SORCS1: variants seen among roughly 807,000 people sequenced by gnomAD.
SORCS1 encodes VPS10 domain-containing receptor SorCS1.
In SORCS1, 60 loss-of-function variants were observed where a neutral mutation model predicts 146.1. The observed-to-expected ratio is 0.41, with a 90% confidence interval of 0.33 to 0.51. The LOEUF (loss-of-function observed/expected upper bound fraction) is 0.51. Among genes scored for constraint, SORCS1 ranks in the 20% least tolerant of loss-of-function variants. The pLI is 0.21. For missense variants in SORCS1, 1,352 were observed against 1,487.6 expected, an observed-to-expected ratio of 0.91 and a Z score of 1.50; for synonymous variants, 637 against 584.0, an observed-to-expected ratio of 1.09 and a Z score of -1.31.
intron 2 of SORCS1, among the ~76,000 whole-genome samples, chr10:106,935,424 C>T (rs1953661681): frequency 6.6e-6 from 1 of 152,110 alleles, no homozygotes; most frequent in South Asian, 2.1e-4. Context: ...ACCTGGCTTC[C>T]TACCTGCAAA....
chr10:106,985,970 C>T (rs1301048198), intron 1 of SORCS1, among the ~76,000 whole-genome samples: 1 of 151,968 alleles, frequency 6.6e-6, no homozygotes, highest in African/African-American at 2.4e-5. Context: ...TCTATCTCTT[C>T]ATAGATCTAG....
intron 16 of SORCS1, among the ~76,000 whole-genome samples, chr10:106,668,449 C>T (rs1486367364): frequency 6.6e-6 from 1 of 152,222 alleles, no homozygotes; most frequent in African/African-American, 2.4e-5. Flanking sequence ...CAAAGACTTC[C>T]CTCTCAGCCT....
At chr10:107,042,784 A>G (rs767949056) in intron 1 of SORCS1, among the ~76,000 whole-genome samples, 9 of 151,856 alleles carry the variant, frequency 5.9e-5, no homozygotes, top group Non-Finnish European at 1.2e-4. Flanking sequence ...TAATTTTTGT[A>G]TTTTTAGTAG....
At chr10:106,720,859 A>G (rs543104575) in intron 6 of SORCS1, among the ~76,000 whole-genome samples, 9 of 151,986 alleles carry the variant, frequency 5.9e-5, no homozygotes, top group African/African-American at 1.7e-4. Flanking sequence ...AAAGAACCCA[A>G]TTTGAAAGCT....
intron 1 of SORCS1, among the ~76,000 whole-genome samples, chr10:107,085,825 A>C (rs1260260619): frequency 6.6e-6 from 1 of 152,212 alleles, no homozygotes; most frequent in Non-Finnish European, 1.5e-5. Flanking sequence ...GACAATGAGC[A>C]TTTTGTATTA....
At chr10:106,805,766 A>T (rs978038330) in intron 3 of SORCS1, among the ~76,000 whole-genome samples, 13 of 151,720 alleles carry the variant, frequency 8.6e-5, no homozygotes, top group Admixed American at 3.3e-4. Context: ...AAATAGATTT[A>T]AAAAAAAATC....
chr10:106,999,460 T>C (rs1957127836), intron 1 of SORCS1, among the ~76,000 whole-genome samples: 1 of 152,232 alleles, frequency 6.6e-6, no homozygotes, highest in South Asian at 2.1e-4. Flanking sequence ...ATGGTTGCTA[T>C]TACCATTTAT....
chr10:106,580,347 GAA>G (rs1164286029), intron 24 of SORCS1, among the ~76,000 whole-genome samples: 1 of 152,182 alleles, frequency 6.6e-6, no homozygotes, highest in African/African-American at 2.4e-5. Flanking sequence ...CTGCCTCCAT[GAA>G]AGAGTCTCCC....
intron 1 of SORCS1, among the ~76,000 whole-genome samples, chr10:106,988,740 A>G (rs1015971046): frequency 1.3e-5 from 2 of 152,188 alleles, no homozygotes; most frequent in African/African-American, 4.8e-5. Context: ...TAAATAAAAA[A>G]TCAGGTCTCA....
chr10:106,804,701 A>G (rs1434990508), intron 3 of SORCS1, among the ~76,000 whole-genome samples: 1 of 152,170 alleles, frequency 6.6e-6, no homozygotes, highest in African/African-American at 2.4e-5. Flanking sequence ...AAATCCACTT[A>G]AATAGACTTT....
At chr10:106,587,094 A>AT (rs1467768070) in intron 24 of SORCS1, among the ~76,000 whole-genome samples, 1 of 152,236 alleles carries the variant, frequency 6.6e-6, no homozygotes, top group Non-Finnish European at 1.5e-5. Context: ...CACCATAATG[A>AT]TTAAATAACT....
intron 3 of SORCS1, among the ~76,000 whole-genome samples, chr10:106,808,611 T>C (rs2136746197): frequency 6.6e-6 from 1 of 152,240 alleles, no homozygotes; most frequent in East Asian, 1.9e-4. Context: ...CACACCATTC[T>C]CCTGCCTCAG....
At chr10:106,781,378 A>G (rs1212805511) in intron 3 of SORCS1, among the ~76,000 whole-genome samples, 1 of 152,130 alleles carries the variant, frequency 6.6e-6, no homozygotes, top group Non-Finnish European at 1.5e-5. Flanking sequence ...TCTTTGTCAT[A>G]AATGGGCTGG....
chr10:107,100,513 CAA>C (rs60616581), intron 1 of SORCS1, among the ~76,000 whole-genome samples: 5 of 139,374 alleles, frequency 3.6e-5, no homozygotes, highest in Admixed American at 1.4e-4. Flanking sequence ...GACTCCGCCT[CAA>C]AAAAAAAAAA....
intron 5 of SORCS1, among the ~76,000 whole-genome samples, chr10:106,754,798 C>T (rs1383404060): frequency 6.6e-6 from 1 of 152,074 alleles, no homozygotes; most frequent in Non-Finnish European, 1.5e-5. Context: ...GCTGGCATTC[C>T]AAAATAACAA....
At chr10:106,624,701 G>A (rs955431193) in intron 19 of SORCS1, among the ~76,000 whole-genome samples, 2 of 152,198 alleles carry the variant, frequency 1.3e-5, no homozygotes, top group South Asian at 2.1e-4. Flanking sequence ...CACATAGTAC[G>A]TTGGCCTTGT....
At chr10:107,055,089 G>C (rs892232466) in intron 1 of SORCS1, among the ~76,000 whole-genome samples, 5 of 152,158 alleles carry the variant, frequency 3.3e-5, no homozygotes, top group Non-Finnish European at 7.3e-5. Flanking sequence ...GAGTGGAAGG[G>C]ATTAATTTTG....
chr10:107,072,745 A>G (rs1962545068), intron 1 of SORCS1, among the ~76,000 whole-genome samples: 1 of 128,584 alleles, frequency 7.8e-6, no homozygotes, highest in South Asian at 2.4e-4. Context: ...AATAAATTAA[A>G]AAAGAAAAAA....
intron 2 of SORCS1, among the ~76,000 whole-genome samples, chr10:106,843,447 T>TTG (rs1949149476): frequency 6.7e-6 from 1 of 149,264 alleles, no homozygotes; most frequent in Non-Finnish European, 1.5e-5. Flanking sequence ...TTTTTTTTTT[T>TTG]GTGATGGAGT....
Sources: allele counts gnomAD v4.1 joint callset (sites outside exome capture counted in the v4.1 genomes callset), GRCh38; gene constraint gnomAD v4.1.1; transcripts MANE v1.5; gene names NCBI Gene and HGNC (gene_info 2026-07-23, HGNC 2026-07-21).